Variants in AHCTF1 observed in about 807,000 individuals in gnomAD.
AHCTF1 encodes the protein protein ELYS.
In AHCTF1, 24 loss-of-function variants were observed where a neutral mutation model predicts 248.4. The observed-to-expected ratio is 0.10, with a 90% CI of 0.07 to 0.14. The LOEUF (loss-of-function observed/expected upper bound fraction) is 0.14, where lower values mean the gene tolerates loss of function less well. Among genes scored for constraint, AHCTF1 ranks in the 10% least tolerant of loss-of-function variants. AHCTF1 has a pLI of 1.00. For synonymous variants in AHCTF1, 786 were observed against 929.8 expected (o/e 0.85, Z 2.81); for missense variants, 2,206 against 2,636.2 (o/e 0.84, Z 3.57).
chr1:246,863,798 G>T, intron 27 of AHCTF1, 126 bp downstream of exon 27: 1 of 902,242 alleles, frequency 1.1e-6, no homozygotes, highest in Non-Finnish European at 1.7e-6. Context: ...AACATAAAAG[G>T]ATGCTTAAAG....
chr1:246,853,025 G>C, intron 32 of AHCTF1, 66 bp downstream of exon 32: 3 of 1,208,660 alleles, frequency 2.5e-6, no homozygotes, highest in Non-Finnish European at 3.5e-6. Context: ...TTGAACTACT[G>C]TGTCTTGAAA....
chr1:246,875,996 T>C (rs1478456299), intron 24 of AHCTF1, 41 bp downstream of exon 24: 1 of 1,522,394 alleles, frequency 6.6e-7, no homozygotes, highest in Non-Finnish European at 8.9e-7. Flanking sequence ...AGTATCTTTT[T>C]TGATCCAATA....
At chr1:246,903,860 A>T in intron 7 of AHCTF1, 89 bp downstream of exon 7, 1 of 1,000,606 alleles carries the variant, frequency 1.0e-6, no homozygotes. Context: ...AAAAAGAATC[A>T]CTTTTCAATA....
intron 11 of AHCTF1, among the ~76,000 whole-genome samples, chr1:246,898,618 C>T (rs1047133681): frequency 1.5e-5 from 2 of 130,976 alleles, no homozygotes; most frequent in Non-Finnish European, 3.1e-5. Context: ...GACATCTTGA[C>T]AAAACACACA....
chr1:246,841,452 T>C (rs949929891), intron 35 of AHCTF1, among the ~76,000 whole-genome samples: 2 of 152,206 alleles, frequency 1.3e-5, no homozygotes, highest in Non-Finnish European at 2.9e-5. Context: ...CCAGTTTATA[T>C]GTAAACAGTG....
chr1:246,873,181 A>T (rs905337526), intron 24 of AHCTF1, among the ~76,000 whole-genome samples: 2 of 152,124 alleles, frequency 1.3e-5, no homozygotes, highest in African/African-American at 4.8e-5. Flanking sequence ...CCCTTGCCAT[A>T]CTCTTGATAT....
chr1:246,871,355 G>A (rs1433197987), intron 24 of AHCTF1, among the ~76,000 whole-genome samples: 1 of 152,170 alleles, frequency 6.6e-6, no homozygotes, highest in Non-Finnish European at 1.5e-5. Flanking sequence ...GCCACATCAA[G>A]GTGTGCCAGA....
intron 24 of AHCTF1, among the ~76,000 whole-genome samples, chr1:246,868,717 A>G (rs965831038): frequency 6.6e-6 from 1 of 151,280 alleles, no homozygotes; most frequent in African/African-American, 2.5e-5. Flanking sequence ...GTAAATAAAC[A>G]GTCAAATCTT....
Position 246,862,129 on chromosome 1 carries a change from C to G in AHCTF1, c.3565G>C (p.Val1189Leu), listed in dbSNP as rs765078510. 1.5e-5 allele frequency: 24 copies of G among 1,606,598 alleles called. No individual in the cohort carries two copies. The highest frequency in any genetic ancestry group is 2.0e-5 in the Non-Finnish European group (24 of 1,177,848). The change falls in exon 28 of 36, where the codon GTT becomes CTT. Residue 1189 changes from valine (V) to leucine (L), a missense_variant. Around this residue, in one of 6 missense-constraint regions of AHCTF1, gnomAD observed 955 missense variants for 1,055.6 expected, o/e 0.90. Coordinates refer to ENST00000648844, the MANE Select transcript of AHCTF1 (RefSeq NM_001323342.2). ...AACTCAGAAAATCCAGAAGTAGTAACTGACATGGCCAAACTTTTAGCTTTC... is the reference window on the plus strand; with the variant it reads ...AACTCAGAAAATCCAGAAGTAGTAAGTGACATGGCCAAACTTTTAGCTTTC... Reference protein sequence around the residue: ...VKKAKSLAMSVTTSGFSEFTP... With the variant: ...VKKAKSLAMSLTTSGFSEFTP...
At chr1:246,876,638 G>A (rs1662987344) in intron 23 of AHCTF1, among the ~76,000 whole-genome samples, 1 of 152,136 alleles carries the variant, frequency 6.6e-6, no homozygotes, top group Admixed American at 6.5e-5. Context: ...TGGCCTCTAC[G>A]TCTTCCTCTA....
At chr1:246,849,192 TA>T (rs1660510950) in intron 33 of AHCTF1, among the ~76,000 whole-genome samples, 1 of 152,192 alleles carries the variant, frequency 6.6e-6, no homozygotes, top group Non-Finnish European at 1.5e-5. Flanking sequence ...TGGATTGAAA[TA>T]ATTTCTGTAT....
chr1:246,871,805 G>A (rs1244033889), intron 24 of AHCTF1, among the ~76,000 whole-genome samples: 1 of 151,554 alleles, frequency 6.6e-6, no homozygotes, highest in African/African-American at 2.4e-5. Flanking sequence ...TACCTAAAAG[G>A]GTAGCAGTGG....
intron 26 of AHCTF1, 87 bp from the exon 27 acceptor site, chr1:246,864,203 G>C (rs1661786553): frequency 7.7e-7 from 1 of 1,298,082 alleles, no homozygotes; most frequent in East Asian, 2.4e-5. Context: ...ATATTCACTG[G>C]TAACTATGAT....
intron 14 of AHCTF1, 26 bp from the exon 15 acceptor site, chr1:246,891,945 G>T (rs147455910): frequency 8.7e-5 from 136 of 1,563,502 alleles, no homozygotes; most frequent in Non-Finnish European, 1.1e-4. Flanking sequence ...GAAAAGATAA[G>T]TTTCCATACA....
chr1:246,850,787 C>T lies in AHCTF1; in HGVS notation c.5219G>A (p.Arg1740His), dbSNP rs374687125. Residue 1740 changes from arginine (R) to histidine (H), a missense_variant, in exon 33 of 36, where the codon CGT (arginine) becomes CAT (histidine). Transcript: ENST00000648844. ...GTTTTGGATACGTTGACCTCTCGTACGAGTTTTGGAGGAAACCACGTCATC... is the reference window on the plus strand; with the variant it reads ...GTTTTGGATACGTTGACCTCTCGTATGAGTTTTGGAGGAAACCACGTCATC... ...QVDDVVSSKT[R>H]TRGQRIQNVN... is the part of the protein sequence containing the mutation. 1.2e-5 allele frequency: 20 copies of T among 1,613,766 alleles called. No homozygotes were observed. The highest frequency in any genetic ancestry group is 1.7e-5 in the Admixed American group (1 of 59,990).
intron 24 of AHCTF1, among the ~76,000 whole-genome samples, chr1:246,871,329 GT>G (rs1662578567): frequency 1.3e-5 from 2 of 152,148 alleles, no homozygotes; most frequent in African/African-American, 4.8e-5. Context: ...ACAATAAAAA[GT>G]TAAATTAAGA....
chr1:246,887,181 A>G (rs769295979), intron 20 of AHCTF1, 30 bp downstream of exon 20: 16 of 1,562,758 alleles, frequency 1.0e-5, no homozygotes, highest in South Asian at 3.6e-5. Flanking sequence ...GTAATTCATG[A>G]AAGTTTATGC....
In AHCTF1 at chr1:246,841,001, GA is replaced by G. The variant is rs201321125; in HGVS notation, c.6609-4del. The G allele has an allele frequency of 2.3e-5, 36 of 1,568,306 alleles. No individual in the cohort carries two copies. The highest frequency in any genetic ancestry group is 1.0e-4 in the Admixed American group (5 of 49,644). ...AAGCACTTTCTTTTTCTGTGTTTCT[GA>G]AAAAAAAAGATATGATCAAGTAAGA... is the stretch of plus-strand genomic sequence containing the variant. On this transcript the variant is annotated splice_polypyrimidine_tract_variant and splice_region_variant and intron_variant, in intron 35 of 35. Coordinates refer to ENST00000648844, the MANE Select transcript of AHCTF1 (RefSeq NM_001323342.2).
chr1:246,916,270 C>A lies in AHCTF1; in HGVS notation c.247G>T (p.Val83Leu). 6.2e-7 allele frequency: 1 copy of A among 1,610,108 alleles called. No homozygotes were observed. ...CTCTTCTGCCAAGAGAATTCTTTCA[C>A]AGCTAAAACTACAGGAGGCTGTTCA... The part of the protein sequence containing the change: ...VNEQPPVVLA[V>L]KEFSWQKRTG... The change falls in exon 3 of 36, where the codon GTG becomes TTG. Residue 83 changes from valine (V) to leucine (L), a missense_variant. Coordinates refer to ENST00000648844, the MANE Select transcript of AHCTF1 (RefSeq NM_001323342.2).
Sources: gnomAD v4.1 joint callset for allele counts (sites outside exome capture counted in the v4.1 genomes callset) on GRCh38, gnomAD v4.1.1 for gene constraint, gnomAD v4.1.1 regional missense constraint, MANE v1.5 for transcripts, NCBI Gene and HGNC (gene_info 2026-07-23, HGNC 2026-07-21) for gene names.